Variants in CAMK1D observed in about 807,000 individuals in gnomAD.
CAMK1D encodes the protein calcium/calmodulin-dependent protein kinase type 1D.
A neutral mutation model predicts 47.7 loss-of-function variants in CAMK1D; 9 were observed. That is an observed-to-expected ratio of 0.19 (90% CI 0.11 to 0.33). The LOEUF is 0.33. Ranked by LOEUF, CAMK1D falls within the 10% of genes least tolerant of loss-of-function variation. The pLI is 1.00. For missense variants in CAMK1D, 291 were observed against 488.7 expected, an observed-to-expected ratio of 0.60 and a Z score of 3.81; for synonymous variants, 184 against 184.9, an observed-to-expected ratio of 0.99 and a Z score of 0.04.
chr10:12,427,007 G>A (rs1409287024), intron 1 of CAMK1D, among the ~76,000 whole-genome samples: 10 of 152,074 alleles, frequency 6.6e-5, no homozygotes, highest in Admixed American at 6.5e-4. Flanking sequence ...GAGCCACTGT[G>A]CCCAGCCTTA....
chr10:12,413,573 G>GT (rs201254818), intron 1 of CAMK1D, among the ~76,000 whole-genome samples: 169 of 320 alleles, frequency 0.53, 31 homozygotes, highest in Admixed American at 0.62. Context: ...GATGACATTG[G>GT]GGATGATGAT....
At chr10:12,729,031 G>A (rs936009470) in intron 3 of CAMK1D, among the ~76,000 whole-genome samples, 11 of 152,234 alleles carry the variant, frequency 7.2e-5, no homozygotes, top group African/African-American at 2.4e-4. Context: ...TGAAAAGTCA[G>A]TGAAATAGTT....
chr10:12,580,702 G>T (rs1238005257), intron 2 of CAMK1D, among the ~76,000 whole-genome samples: 1 of 152,222 alleles, frequency 6.6e-6, no homozygotes, highest in Admixed American at 6.5e-5. Context: ...AAGAATGCAG[G>T]AGTGTGTGGA....
At chr10:12,731,991 C>G (rs1334199595) in intron 3 of CAMK1D, among the ~76,000 whole-genome samples, 1 of 152,118 alleles carries the variant, frequency 6.6e-6, no homozygotes, top group African/African-American at 2.4e-5. Flanking sequence ...CGCATGTAAT[C>G]CCAGCACTTT....
chr10:12,769,592 G>C, intron 4 of CAMK1D, 81 bp from the exon 5 acceptor site: 1 of 1,509,186 alleles, frequency 6.6e-7, no homozygotes, highest in East Asian at 2.3e-5. Flanking sequence ...TTGTGAATAG[G>C]TTTTGCAGCT....
rs148338332 is a variant in CAMK1D, at chr10:12,585,019, C to A, written c.224+31663C>A. ...TAAAAGACTACCAGGAACATTTGGA[C>A]TGCTGGGCAGCTAGGTTATGTCCTG... On this transcript the variant is annotated intron_variant, in intron 2 of 10. Transcript: ENST00000619168. Among the ~76,000 whole-genome samples the A allele has an allele frequency of 4.6e-3, 700 of 152,298 alleles. 8 individuals carry two copies. The highest frequency in any genetic ancestry group is 0.015 in the African/African-American group (640 of 41,548).
intron 2 of CAMK1D, among the ~76,000 whole-genome samples, chr10:12,557,068 T>G (rs1253259560): frequency 6.6e-6 from 1 of 151,954 alleles, no homozygotes; most frequent in Non-Finnish European, 1.5e-5. Flanking sequence ...GATGCCTGGG[T>G]GGATGATGAC....
At chr10:12,362,836 G>A (rs1211837266) in intron 1 of CAMK1D, among the ~76,000 whole-genome samples, 1 of 151,790 alleles carries the variant, frequency 6.6e-6, no homozygotes, top group Non-Finnish European at 1.5e-5. Context: ...AGTAGAGACG[G>A]GGTTTCACTG....
intron 1 of CAMK1D, among the ~76,000 whole-genome samples, chr10:12,422,389 T>C (rs1840084981): frequency 6.6e-6 from 1 of 152,176 alleles, no homozygotes; most frequent in South Asian, 2.1e-4. Context: ...ATGGGATAAT[T>C]ACACAGTGAT....
chr10:12,550,563 G>A (rs1004024747), intron 1 of CAMK1D, among the ~76,000 whole-genome samples: 15 of 152,210 alleles, frequency 9.9e-5, no homozygotes, highest in Admixed American at 2.6e-4. Flanking sequence ...GGCCATGGCC[G>A]GTGTCACTGG....
chr10:12,829,114 C>T lies in CAMK1D; in HGVS notation c.*227C>T. 2.1e-6 allele frequency: 1 copy of T among 484,004 alleles called. No individual in the cohort carries two copies. 30.0% of individuals were successfully genotyped at this position (484,004 alleles called of 1,614,324 possible). On this transcript the variant is annotated 3_prime_UTR_variant, in exon 11 of 11. Transcript: ENST00000619168. ...GGCGCTGATTTCATAGGATCTGGTG[C>T]TGTATATACGAATCTTGCAAAGCTC...
At chr10:12,827,196 C>T (rs1278514876) in intron 10 of CAMK1D, among the ~76,000 whole-genome samples, 2 of 150,906 alleles carry the variant, frequency 1.3e-5, no homozygotes, top group Non-Finnish European at 3.0e-5. Context: ...TTTCTTTTCC[C>T]TCCCTGCCTC....
At chr10:12,788,479 C>A (rs146732799) in intron 5 of CAMK1D, among the ~76,000 whole-genome samples, 1 of 152,242 alleles carries the variant, frequency 6.6e-6, no homozygotes, top group African/African-American at 2.4e-5. Context: ...TCCCAACACA[C>A]GCTGTCAGCT....
intron 1 of CAMK1D, among the ~76,000 whole-genome samples, chr10:12,366,279 G>A (rs1297240680): frequency 6.6e-6 from 1 of 152,166 alleles, no homozygotes; most frequent in Non-Finnish European, 1.5e-5. Context: ...GGTACCCTAA[G>A]AAGAACTTAA....
chr10:12,584,067 T>C (rs1482449628), intron 2 of CAMK1D, among the ~76,000 whole-genome samples: 4 of 152,170 alleles, frequency 2.6e-5, no homozygotes, highest in Admixed American at 2.6e-4. Context: ...CTTTTTATCT[T>C]TGCATGCTTA....
At chr10:12,540,067 C>G (rs1483247053) in intron 1 of CAMK1D, among the ~76,000 whole-genome samples, 1 of 152,030 alleles carries the variant, frequency 6.6e-6, no homozygotes, top group Non-Finnish European at 1.5e-5. Context: ...GTGTGTGCAA[C>G]TACACCTAGC....
At position 12,830,076 on chromosome 10, in the gene CAMK1D, C is replaced by G. The variant is rs1004742398; in HGVS notation, c.*1189C>G. On this transcript the variant is annotated 3_prime_UTR_variant, in exon 11 of 11. Transcript: ENST00000619168. ...TGCAGAGATGCAGGACCCTCCCTTG[C>G]AAAAGGAACCAGCTGCCATGTTGCT... The G allele has an allele frequency of 2.0e-5, 3 of 152,164 alleles. No homozygotes were observed. The highest frequency in any genetic ancestry group is 1.9e-4 in the East Asian group (1 of 5,188). The allele number at this position is 152,164 out of a possible 1,614,324, so 9.4% of individuals were successfully genotyped here.
intron 1 of CAMK1D, among the ~76,000 whole-genome samples, chr10:12,400,255 C>T (rs1242188294): frequency 6.6e-6 from 1 of 152,192 alleles, no homozygotes; most frequent in Non-Finnish European, 1.5e-5. Context: ...AACAGAGTGG[C>T]AACCATTGGA....
At chr10:12,777,080 A>G (rs1233112376) in intron 5 of CAMK1D, among the ~76,000 whole-genome samples, 1 of 152,120 alleles carries the variant, frequency 6.6e-6, no homozygotes, top group African/African-American at 2.4e-5. Flanking sequence ...GATTTGGGAG[A>G]TGTTAATTTA....
Sources: gnomAD v4.1 joint callset for allele counts (sites outside exome capture counted in the v4.1 genomes callset) on GRCh38, gnomAD v4.1.1 for gene constraint, MANE v1.5 for transcripts, NCBI Gene and HGNC (gene_info 2026-07-23, HGNC 2026-07-21) for gene names.